Variants in LONP2 observed in about 807,000 individuals in gnomAD.
LONP2 encodes the protein lon protease homolog 2, peroxisomal.
Under a neutral mutation model 85.6 loss-of-function variants are expected in LONP2, and 60 were observed. The observed-to-expected ratio is 0.70, with a 90% CI of 0.57 to 0.87. The LOEUF (loss-of-function observed/expected upper bound fraction) is 0.87, where lower values mean the gene tolerates loss of function less well. Among genes scored for constraint, LONP2 ranks in the 40% least tolerant of loss-of-function variants. The probability of loss-of-function intolerance (pLI) is 0.00; values close to 1 mark genes in which losing one functional copy is unlikely to be tolerated. For synonymous variants in LONP2, 395 were observed against 389.7 expected (o/e 1.01, Z -0.16); for missense variants, 860 against 1,063.5 (o/e 0.81, Z 2.66).
chr16:48,352,543 A>G lies in LONP2; in HGVS notation c.*741A>G, dbSNP rs1204961673. 1 of 152,204 alleles carries G rather than the reference A, an allele frequency of 6.6e-6. No individual in the cohort carries two copies. The highest frequency in any genetic ancestry group is 1.5e-5 in the Non-Finnish European group (1 of 68,086). The allele number at this position is 152,204 out of a possible 1,614,324, so 9.4% of individuals were successfully genotyped here. A position where few individuals can be genotyped will look rare whatever the true frequency, so the allele number is the denominator to read the frequency against. On this transcript the variant is annotated 3_prime_UTR_variant, in exon 15 of 15. Coordinates refer to ENST00000285737, the MANE Select transcript of LONP2 (RefSeq NM_031490.5). ...CAGCTTCTTGGGAAGCTGAGGCACAAGAATTGCCTGAACCCAGGAGGTGGA... is the reference window on the plus strand; with the variant it reads ...CAGCTTCTTGGGAAGCTGAGGCACAGGAATTGCCTGAACCCAGGAGGTGGA...
intron 2 of LONP2, among the ~76,000 whole-genome samples, chr16:48,253,066 A>G (rs748484113): frequency 6.6e-6 from 1 of 152,230 alleles, no homozygotes; most frequent in Non-Finnish European, 1.5e-5. Flanking sequence ...TATAAATACT[A>G]CTGATCATTG....
intron 11 of LONP2, among the ~76,000 whole-genome samples, chr16:48,326,217 A>G (rs972355725): frequency 2.0e-5 from 3 of 152,216 alleles, no homozygotes; most frequent in Non-Finnish European, 4.4e-5. Flanking sequence ...AAGACATGAT[A>G]TTAGTATAAC....
chr16:48,289,422 G>A (rs1347982041), intron 8 of LONP2, among the ~76,000 whole-genome samples: 2 of 152,172 alleles, frequency 1.3e-5, no homozygotes, highest in Non-Finnish European at 2.9e-5. Context: ...AAACCCTTGT[G>A]TTCTTTTGAG....
Position 48,270,413 on chromosome 16 carries a change from A to T in LONP2, c.1241+139A>T. The T allele has an allele frequency of 1.4e-5, 13 of 942,262 alleles. 1 individual carries two copies. In the South Asian group the frequency reaches 2.2e-4, roughly 16 times the overall value. The allele number at this position is 942,262 out of a possible 1,614,324, so 58.4% of individuals were successfully genotyped here. A position where few individuals can be genotyped will look rare whatever the true frequency, so the allele number is the denominator to read the frequency against. On this transcript the variant is annotated intron_variant, in intron 7 of 14. Coordinates refer to ENST00000285737, the MANE Select transcript of LONP2 (RefSeq NM_031490.5). ...TACCTTGAATGAAAAGGACATTTAC[A>T]AGAAGTATCAGCTAGCCTAGAGCCT...
At chr16:48,314,033 T>C (rs1973089748) in intron 11 of LONP2, among the ~76,000 whole-genome samples, 1 of 152,232 alleles carries the variant, frequency 6.6e-6, no homozygotes, top group African/African-American at 2.4e-5. Flanking sequence ...ATTGTAGTTT[T>C]TATTTGCATT....
chr16:48,341,865 C>A (rs1959820217), intron 12 of LONP2, among the ~76,000 whole-genome samples: 1 of 152,156 alleles, frequency 6.6e-6, no homozygotes, highest in African/African-American at 2.4e-5. Flanking sequence ...GCTATCACGG[C>A]AAGACTCAGA....
At position 48,244,532 on chromosome 16, in the gene LONP2, G is replaced by A. The variant is rs750089460; in HGVS notation, c.144G>A (p.Lys48=). 4.4e-6 allele frequency: 7 copies of A among 1,575,734 alleles called. No homozygotes were observed. The South Asian group carries it at 4.6e-5, about 10-fold the overall frequency. ...AGCTGGTGCGGAGCCGCCTTCTGAA[G>A]GGCACGTCGCTGCAAAGCACCATCC... The part of the protein sequence containing the change: ...NLQLVRSRLL[K]GTSLQSTILG... The change falls in exon 1 of 15, where the codon AAG becomes AAA. Residue 48 remains lysine (K), a synonymous_variant. Transcript: ENST00000285737.
At chr16:48,281,326 A>G (rs953703448) in intron 8 of LONP2, among the ~76,000 whole-genome samples, 2 of 152,158 alleles carry the variant, frequency 1.3e-5, no homozygotes, top group African/African-American at 4.8e-5. Flanking sequence ...TCAAGTTATT[A>G]CTTAATATTG....
chr16:48,293,689 T>TA (rs1203750489), intron 8 of LONP2, among the ~76,000 whole-genome samples: 4 of 152,204 alleles, frequency 2.6e-5, no homozygotes, highest in Admixed American at 2.6e-4. Context: ...GGTGAAAAGA[T>TA]ACTGGGTTAG....
At chr16:48,329,400 T>C (rs569949973) in intron 11 of LONP2, among the ~76,000 whole-genome samples, 1 of 152,310 alleles carries the variant, frequency 6.6e-6, no homozygotes, top group Non-Finnish European at 1.5e-5. Flanking sequence ...TCAGCAGCCA[T>C]CTCACTTACC....
At chr16:48,264,900 T>C (rs1174316920) in intron 6 of LONP2, among the ~76,000 whole-genome samples, 1 of 152,140 alleles carries the variant, frequency 6.6e-6, no homozygotes, top group Non-Finnish European at 1.5e-5. Flanking sequence ...CGAACAACAG[T>C]GTACAAGGGT....
intron 11 of LONP2, among the ~76,000 whole-genome samples, chr16:48,306,614 C>A (rs1242036400): frequency 1.3e-5 from 2 of 152,116 alleles, no homozygotes; most frequent in Non-Finnish European, 2.9e-5. Context: ...TAGGTATGGA[C>A]TCCAAGTTGG....
At chr16:48,271,319 A>G (rs925527847) in intron 7 of LONP2, among the ~76,000 whole-genome samples, 4 of 152,208 alleles carry the variant, frequency 2.6e-5, no homozygotes, top group Non-Finnish European at 2.9e-5. Context: ...ATGAATTTAC[A>G]TTTCGTGGTT....
intron 11 of LONP2, among the ~76,000 whole-genome samples, chr16:48,315,526 C>T (rs1344437096): frequency 3.3e-5 from 5 of 152,172 alleles, no homozygotes; most frequent in African/African-American, 1.2e-4. Context: ...GGATATCAGT[C>T]TCACCCATAA....
intron 7 of LONP2, among the ~76,000 whole-genome samples, chr16:48,272,939 TAGG>T (rs1289483301): frequency 2.6e-5 from 4 of 151,984 alleles, no homozygotes; most frequent in Admixed American, 2.6e-4. Flanking sequence ...TGAAGGTGAA[TAGG>T]AGGAGGAGAG....
intron 8 of LONP2, among the ~76,000 whole-genome samples, chr16:48,290,334 C>T (rs1056353731): frequency 2.0e-5 from 3 of 152,162 alleles, no homozygotes; most frequent in African/African-American, 4.8e-5. Flanking sequence ...ACCAAATGCA[C>T]GGGTTTTTTC....
intron 8 of LONP2, among the ~76,000 whole-genome samples, chr16:48,282,460 A>C (rs1567321768): frequency 6.6e-6 from 1 of 151,782 alleles, no homozygotes; most frequent in African/African-American, 2.4e-5. Context: ...ACCCCGTGTC[A>C]AGCAAGTCTG....
At chr16:48,331,354 GCTGA>G (rs1342451329) in intron 11 of LONP2, among the ~76,000 whole-genome samples, 2 of 152,184 alleles carry the variant, frequency 1.3e-5, no homozygotes, top group Admixed American at 6.5e-5. Context: ...TCCACAAGCT[GCTGA>G]CTAACTCAGA....
intron 11 of LONP2, among the ~76,000 whole-genome samples, chr16:48,329,643 C>T (rs571552089): frequency 2.0e-5 from 3 of 152,242 alleles, no homozygotes; most frequent in African/African-American, 7.2e-5. Flanking sequence ...AGGTATCCAC[C>T]GTGGGTCTGG....
Sources: gnomAD v4.1 joint callset for allele counts (sites outside exome capture counted in the v4.1 genomes callset) on GRCh38, gnomAD v4.1.1 for gene constraint, MANE v1.5 for transcripts, NCBI Gene and HGNC (gene_info 2026-07-23, HGNC 2026-07-21) for gene names.